PDE1C: variants seen among roughly 807,000 people sequenced by gnomAD.
PDE1C encodes the protein phosphodiesterase 1C.
A neutral mutation model predicts 93.1 loss-of-function variants in PDE1C; 62 were observed. The observed-to-expected ratio is 0.67, with a 90% confidence interval of 0.54 to 0.82. PDE1C has a LOEUF of 0.82. PDE1C is among the 40% of genes least tolerant of loss of function. The probability of loss-of-function intolerance (pLI) is 0.00; values close to 1 mark genes in which losing one functional copy is unlikely to be tolerated. For missense variants in PDE1C, 742 were observed against 884.6 expected (o/e 0.84, Z 2.04); for synonymous variants, 325 against 310.1 (o/e 1.05, Z -0.50).
At chr7:31,772,350 C>T (rs1197741462) in intron 17 of PDE1C, among the ~76,000 whole-genome samples, 2 of 152,142 alleles carry the variant, frequency 1.3e-5, no homozygotes, top group South Asian at 2.1e-4. Flanking sequence ...AGCCTGTCCA[C>T]CCCATGTCCT....
At chr7:32,128,011 A>T (rs573882666) in intron 3 of PDE1C, among the ~76,000 whole-genome samples, 1 of 152,074 alleles carries the variant, frequency 6.6e-6, no homozygotes, top group Non-Finnish European at 1.5e-5. Context: ...TGTTATACTA[A>T]TGTAGGACAA....
intron 1 of PDE1C, among the ~76,000 whole-genome samples, chr7:32,056,356 C>G (rs1161060950): frequency 7.2e-6 from 1 of 138,140 alleles, no homozygotes; most frequent in South Asian, 2.4e-4. Flanking sequence ...CTCTCTCTCT[C>G]TCTCTCACTG....
At chr7:32,105,390 G>C (rs941398744) in intron 3 of PDE1C, among the ~76,000 whole-genome samples, 4 of 151,940 alleles carry the variant, frequency 2.6e-5, no homozygotes, top group Admixed American at 6.6e-5. Context: ...ATGGTCCTCT[G>C]GAAGAGAAAG....
At chr7:32,411,382 C>T (rs1785166239) in intron 1 of PDE1C, among the ~76,000 whole-genome samples, 1 of 152,198 alleles carries the variant, frequency 6.6e-6, no homozygotes, top group South Asian at 2.1e-4. Flanking sequence ...TCTTCTGTTG[C>T]TCCTAGGCTA....
chr7:32,385,199 A>G (rs2128091289), intron 1 of PDE1C, among the ~76,000 whole-genome samples: 1 of 152,320 alleles, frequency 6.6e-6, no homozygotes, highest in South Asian at 2.1e-4. Flanking sequence ...AGATGAATTC[A>G]CCTTTGTACT....
chr7:31,791,347 A>T (rs1464606524), intron 16 of PDE1C, among the ~76,000 whole-genome samples: 1 of 152,140 alleles, frequency 6.6e-6, no homozygotes, highest in African/African-American at 2.4e-5. Flanking sequence ...GACAAAAGTG[A>T]GGCTTCATAC....
chr7:32,218,265 T>C (rs1216793904), intron 1 of PDE1C, among the ~76,000 whole-genome samples: 2 of 152,274 alleles, frequency 1.3e-5, no homozygotes, highest in African/African-American at 4.8e-5. Flanking sequence ...TGCCTCATTA[T>C]GCCTTCCGGG....
chr7:32,300,660 T>C (rs980710850), upstream of PDE1C, among the ~76,000 whole-genome samples: 1 of 152,222 alleles, frequency 6.6e-6, no homozygotes, highest in African/African-American at 2.4e-5. Flanking sequence ...TTCCAGTTAT[T>C]GCAATCACTA....
At chr7:32,071,211 C>G (rs1168215856), upstream of PDE1C, 2 of 985,344 alleles carry the variant, frequency 2.0e-6, no homozygotes, top group Non-Finnish European at 2.4e-6. Flanking sequence ...CTCACCTCAA[C>G]AAGAGCTCGG....
At chr7:31,940,084 A>C (rs1805615848) in intron 2 of PDE1C, among the ~76,000 whole-genome samples, 1 of 152,196 alleles carries the variant, frequency 6.6e-6, no homozygotes, top group African/African-American at 2.4e-5. Context: ...GCAAATGCTC[A>C]AGCCCCACCT....
At chr7:32,324,392 G>A (rs1394009781) in intron 1 of PDE1C, among the ~76,000 whole-genome samples, 1 of 152,048 alleles carries the variant, frequency 6.6e-6, no homozygotes, top group Non-Finnish European at 1.5e-5. Flanking sequence ...TTTCCCAGTC[G>A]GAGGACCCCA....
At chr7:32,148,001 A>AAAAAAAAAAAAAAAAAAAAAAAC (rs1801009530) in intron 3 of PDE1C, among the ~76,000 whole-genome samples, 2 of 149,396 alleles carry the variant, frequency 1.3e-5, no homozygotes, top group East Asian at 1.9e-4. Context: ...AAAAAAAAAA[A>AAAAAAAAAAAAAAAAAAAAAAAC]AAAAGCCTAA....
At chr7:31,959,689 T>A (rs985075871) in intron 2 of PDE1C, among the ~76,000 whole-genome samples, 2 of 152,200 alleles carry the variant, frequency 1.3e-5, no homozygotes, top group Admixed American at 6.5e-5. Flanking sequence ...TAGACTAGAA[T>A]GAAAATAAAG....
the PDE1C span, among the ~76,000 whole-genome samples, chr7:31,636,480 A>C: frequency 4.0e-4 from 61 of 152,326 alleles, 3 homozygotes; most frequent in South Asian, 0.012. Context: ...TTTGTTGTAC[A>C]AGTCTTGCAT....
At chr7:31,953,998 C>G (rs1487080560) in intron 2 of PDE1C, among the ~76,000 whole-genome samples, 1 of 152,146 alleles carries the variant, frequency 6.6e-6, no homozygotes, top group African/African-American at 2.4e-5. Flanking sequence ...CACATATATC[C>G]TCCAATTCAA....
intron 6 of PDE1C, 55 bp downstream of exon 6, chr7:31,873,237 A>G: frequency 9.6e-7 from 1 of 1,038,500 alleles, no homozygotes; most frequent in Middle Eastern, 2.1e-4. Context: ...AAGTCATATG[A>G]GGATAAACAT....
At position 31,847,957 on chromosome 7, in the gene PDE1C, C is replaced by T. The variant is rs1792839221; in HGVS notation, c.980+11G>A. On this transcript the variant is annotated intron_variant, in intron 9 of 17. Transcript: ENST00000396191. ...CCTGGCCTACAAATCTCTCTCTTTT[C>T]TCATCCTTACCTCCAGTCATCCTTT... is the stretch of plus-strand genomic sequence containing the variant. 1 of 1,611,970 alleles carries T rather than the reference C, an allele frequency of 6.2e-7. No homozygotes were observed. The highest frequency in any genetic ancestry group is 8.5e-7 in the Non-Finnish European group (1 of 1,179,202).
chr7:32,368,098 C>T (rs547659241), intron 1 of PDE1C, among the ~76,000 whole-genome samples: 60 of 152,210 alleles, frequency 3.9e-4, no homozygotes, highest in Non-Finnish European at 5.7e-4. Context: ...TGCCCATGCT[C>T]GCCACTCTTA....
chr7:32,310,855 G>C (rs1783012462), intron 1 of PDE1C, among the ~76,000 whole-genome samples: 2 of 151,992 alleles, frequency 1.3e-5, no homozygotes, highest in South Asian at 4.2e-4. Context: ...AGAAAAGCAA[G>C]AGCAAACATA....
Sources: gnomAD v4.1 joint callset for allele counts (sites outside exome capture counted in the v4.1 genomes callset) on GRCh38, gnomAD v4.1.1 for gene constraint, MANE v1.5 for transcripts, NCBI Gene and HGNC (gene_info 2026-07-23, HGNC 2026-07-21) for gene names.